Variants in CHST11 observed in about 807,000 individuals in gnomAD.
CHST11 encodes the protein C4S-1.
A neutral mutation model predicts 30.4 loss-of-function variants in CHST11; 9 were observed. That is an observed-to-expected ratio of 0.30 (90% CI 0.18 to 0.52). CHST11 has a LOEUF of 0.52. Among genes scored for constraint, CHST11 ranks in the 20% least tolerant of loss-of-function variants. The pLI is 0.97. For synonymous variants in CHST11, 152 were observed against 187.8 expected (o/e 0.81, Z 1.56); for missense variants, 348 against 460.6 (o/e 0.76, Z 2.24).
At chr12:104,530,489 A>G (rs1795859) in intron 1 of CHST11, among the ~76,000 whole-genome samples, 93,765 of 152,032 alleles carry the variant, frequency 0.62, 29,503 homozygotes, top group East Asian at 0.97. Flanking sequence ...CTGTGTGATG[A>G]AAATGGATCT....
chr12:104,744,374 G>A (rs531943985), intron 2 of CHST11, among the ~76,000 whole-genome samples: 2 of 152,070 alleles, frequency 1.3e-5, no homozygotes, highest in Non-Finnish European at 2.9e-5. Context: ...ACTTTTTTTT[G>A]TATGATTGTT....
intron 1 of CHST11, among the ~76,000 whole-genome samples, chr12:104,531,461 T>C (rs2038182776): frequency 8.6e-6 from 1 of 116,026 alleles, no homozygotes; most frequent in Non-Finnish European, 1.7e-5. Context: ...GGAGATCCTG[T>C]GTCCAAAAAA....
intron 1 of CHST11, among the ~76,000 whole-genome samples, chr12:104,554,467 G>A (rs2038435801): frequency 6.6e-6 from 1 of 152,234 alleles, no homozygotes; most frequent in South Asian, 2.1e-4. Context: ...GGGCTCTGGT[G>A]CTGGTATTAC....
chr12:104,750,111 G>A (rs952339928), intron 2 of CHST11, among the ~76,000 whole-genome samples: 3 of 151,862 alleles, frequency 2.0e-5, no homozygotes, highest in Admixed American at 6.6e-5. Flanking sequence ...ATTGTCTTGG[G>A]CTAATTGGAA....
At chr12:104,621,478 T>C (rs778822004) in intron 2 of CHST11, among the ~76,000 whole-genome samples, 2 of 152,270 alleles carry the variant, frequency 1.3e-5, no homozygotes, top group African/African-American at 4.8e-5. Context: ...AAAGGGACTT[T>C]GCAAAGGCAG....
chr12:104,684,745 C>T (rs1421345528), intron 2 of CHST11, among the ~76,000 whole-genome samples: 1 of 152,142 alleles, frequency 6.6e-6, no homozygotes, highest in Non-Finnish European at 1.5e-5. Context: ...GACAGGGTTT[C>T]ACCATGTTGA....
At chr12:104,527,108 A>T (rs1205200889) in intron 1 of CHST11, among the ~76,000 whole-genome samples, 3 of 152,326 alleles carry the variant, frequency 2.0e-5, no homozygotes, top group East Asian at 3.9e-4. Context: ...AATGCCTCAG[A>T]ATGTGACTGT....
Position 104,679,315 on chromosome 12 carries a change from C to T in CHST11, c.204+77324C>T, listed in dbSNP as rs143292655. Among the ~76,000 whole-genome samples the T allele has an allele frequency of 1.1e-3, 165 of 152,266 alleles. 1 individual carries two copies. The Middle Eastern group carries it at 0.024, about 22-fold the overall frequency. ...CCTTCTCCACAGTTTACAGCCCCCA[C>T]CGGCCAGGAGAGAGGCGAAGGGAGA... On this transcript the variant is annotated intron_variant, in intron 2 of 2. Coordinates refer to ENST00000303694, the MANE Select transcript of CHST11 (RefSeq NM_018413.6).
intron 2 of CHST11, among the ~76,000 whole-genome samples, chr12:104,730,330 G>C (rs1367817861): frequency 6.6e-6 from 1 of 152,234 alleles, no homozygotes; most frequent in African/African-American, 2.4e-5. Flanking sequence ...GTTGTCATAA[G>C]GATTGTCCCT....
chr12:104,645,769 C>T (rs1015354802), intron 2 of CHST11, among the ~76,000 whole-genome samples: 1 of 151,664 alleles, frequency 6.6e-6, no homozygotes, highest in African/African-American at 2.4e-5. Flanking sequence ...ATAAACAAAC[C>T]TCAAACAAGA....
At chr12:104,543,192 C>T (rs2038302461) in intron 1 of CHST11, among the ~76,000 whole-genome samples, 1 of 152,078 alleles carries the variant, frequency 6.6e-6, no homozygotes, top group Non-Finnish European at 1.5e-5. Flanking sequence ...GTGCCAGGGT[C>T]TTTTAAACAA....
intron 2 of CHST11, among the ~76,000 whole-genome samples, chr12:104,704,531 C>A (rs894026152): frequency 6.6e-6 from 1 of 152,116 alleles, no homozygotes; most frequent in African/African-American, 2.4e-5. Flanking sequence ...CTGCCTTGAC[C>A]GTCACTGCTT....
intron 2 of CHST11, among the ~76,000 whole-genome samples, chr12:104,750,236 G>A (rs1349309497): frequency 6.6e-6 from 1 of 151,818 alleles, no homozygotes; most frequent in African/African-American, 2.4e-5. Flanking sequence ...TAAGGAAACC[G>A]AGTCCTCATG....
At chr12:104,675,016 C>T (rs1438736953) in intron 2 of CHST11, among the ~76,000 whole-genome samples, 6 of 152,050 alleles carry the variant, frequency 3.9e-5, no homozygotes, top group Non-Finnish European at 1.5e-5. Flanking sequence ...TGCATTTTTC[C>T]GAAGAAAGGT....
chr12:104,622,032 C>A lies in CHST11; in HGVS notation c.204+20041C>A, dbSNP rs146527121. ...AGTGAGGTACTGTGAAAATGCCTGGCAAATCTAGGTATAAGCCGGCAACCC... is the reference window on the plus strand; with the variant it reads ...AGTGAGGTACTGTGAAAATGCCTGGAAAATCTAGGTATAAGCCGGCAACCC... On this transcript the variant is annotated intron_variant, in intron 2 of 2. Transcript: ENST00000303694. 6.2e-4 allele frequency among the ~76,000 whole-genome samples: 95 copies of A among 152,292 alleles called. 1 individual carries two copies. The highest frequency in any genetic ancestry group is 1.8e-4 in the Non-Finnish European group (12 of 68,034).
intron 1 of CHST11, chr12:104,552,144 A>G (rs990515122): frequency 6.6e-6 from 1 of 152,204 alleles, no homozygotes; most frequent in African/African-American, 2.4e-5. Flanking sequence ...CTTTTGGGTG[A>G]TGTCGATGCT....
At chr12:104,583,265 T>C (rs1013352832) in intron 1 of CHST11, among the ~76,000 whole-genome samples, 1 of 152,178 alleles carries the variant, frequency 6.6e-6, no homozygotes, top group Non-Finnish European at 1.5e-5. Context: ...TTTCCCTGGA[T>C]TTCCCTGGGG....
intron 1 of CHST11, among the ~76,000 whole-genome samples, chr12:104,539,487 A>C (rs951655864): frequency 6.6e-6 from 1 of 152,228 alleles, no homozygotes; most frequent in African/African-American, 2.4e-5. Context: ...ATACGATGAA[A>C]TATTTAAAAT....
rs1476610746 is a variant in CHST11 at position 104,729,546 on chromosome 12, T to C, written c.205-27403T>C. ...AAGCCCCTGCCCTCTGACTTTGAGA[T>C]CCAGGCATTTCAGACAGACAGTATC... On this transcript the variant is annotated intron_variant, in intron 2 of 2. Coordinates refer to ENST00000303694, the MANE Select transcript of CHST11 (RefSeq NM_018413.6). This position sits in a 1 kb window ranked among gnomAD's most constrained non-coding sequence, Gnocchi z 4.0. 6.6e-6 allele frequency among the ~76,000 whole-genome samples: 1 copy of C among 152,136 alleles called. No homozygotes were observed. Among genetic ancestry groups the C allele is most frequent in the Non-Finnish European group, 1.5e-5 (1 of 68,014 alleles).
Sources: gnomAD v4.1 joint callset for allele counts (sites outside exome capture counted in the v4.1 genomes callset) on GRCh38, gnomAD v4.1.1 for gene constraint, Gnocchi (gnomAD v3.1) non-coding constraint, MANE v1.5 for transcripts, NCBI Gene and HGNC (gene_info 2026-07-23, HGNC 2026-07-21) for gene names.